Variants in COL25A1 observed in about 807,000 individuals in gnomAD.
COL25A1 encodes the protein collagen type XXV alpha 1 chain, also known as collagen alpha-1(XXV) chain.
In COL25A1, 103 loss-of-function variants were observed where a neutral mutation model predicts 128.4. That is an observed-to-expected ratio of 0.80 (90% CI 0.68 to 0.94). The LOEUF (loss-of-function observed/expected upper bound fraction) is 0.94. COL25A1 is among the 40% of genes least tolerant of loss of function. The pLI is 0.00. For missense variants in COL25A1, 745 were observed against 840.0 expected, an observed-to-expected ratio of 0.89 and a Z score of 1.40; for synonymous variants, 279 against 277.2, an observed-to-expected ratio of 1.01 and a Z score of -0.06.
intron 26 of COL25A1, among the ~76,000 whole-genome samples, chr4:108,851,972 G>T (rs894289039): frequency 2.6e-5 from 4 of 151,780 alleles, no homozygotes; most frequent in African/African-American, 9.7e-5. Flanking sequence ...TGTGGAACTT[G>T]TTTTTCCCTT....
chr4:109,050,044 A>C, intron 4 of COL25A1, 91 bp downstream of exon 4: 3 of 1,073,312 alleles, frequency 2.8e-6, no homozygotes, highest in Non-Finnish European at 4.2e-6. Context: ...TATAACCTCC[A>C]ACAAGACAAT....
intron 13 of COL25A1, among the ~76,000 whole-genome samples, chr4:108,913,229 A>C (rs1193630132): frequency 1.4e-5 from 2 of 142,450 alleles, no homozygotes; most frequent in Non-Finnish European, 3.0e-5. Flanking sequence ...GGAGCAAAAA[A>C]TGGGACTTTG....
At chr4:109,113,956 A>C (rs1302270550) in intron 3 of COL25A1, among the ~76,000 whole-genome samples, 3 of 152,106 alleles carry the variant, frequency 2.0e-5, no homozygotes, top group Non-Finnish European at 2.9e-5. Context: ...GAATCACCAT[A>C]AGCGCTAAAT....
chr4:109,031,181 G>A (rs1031672029), intron 5 of COL25A1, among the ~76,000 whole-genome samples: 33 of 152,212 alleles, frequency 2.2e-4, no homozygotes, highest in African/African-American at 6.3e-4. Context: ...GCGCGATCTC[G>A]GCTCACTGCA....
At chr4:108,981,593 A>C (rs1752979339) in intron 6 of COL25A1, among the ~76,000 whole-genome samples, 1 of 152,242 alleles carries the variant, frequency 6.6e-6, no homozygotes, top group Non-Finnish European at 1.5e-5. Context: ...AATGCAGTAC[A>C]TGAAATAACA....
chr4:108,852,104 G>A (rs545334871), intron 26 of COL25A1, 132 bp downstream of exon 26: 24 of 604,452 alleles, frequency 4.0e-5, no homozygotes, highest in East Asian at 3.9e-4. Context: ...TCTTTTCTTC[G>A]CTCTCTAAAA....
At chr4:109,209,461 T>C (rs1014389880) in intron 3 of COL25A1, among the ~76,000 whole-genome samples, 1 of 152,104 alleles carries the variant, frequency 6.6e-6, no homozygotes, top group Admixed American at 6.6e-5. Context: ...AACATTAAAA[T>C]GTAAAATTAA....
intron 3 of COL25A1, among the ~76,000 whole-genome samples, chr4:109,203,919 G>A (rs1776772089): frequency 6.6e-6 from 1 of 152,096 alleles, no homozygotes. Flanking sequence ...TATGATTACA[G>A]CTAGATTGAA....
At chr4:108,882,423 T>C (rs993467279) in intron 19 of COL25A1, among the ~76,000 whole-genome samples, 12 of 152,198 alleles carry the variant, frequency 7.9e-5, no homozygotes, top group African/African-American at 2.7e-4. Context: ...AAGCACTTAC[T>C]GCAGCAACCT....
chr4:109,289,730 G>T (rs929696139), intron 3 of COL25A1, among the ~76,000 whole-genome samples: 1 of 151,950 alleles, frequency 6.6e-6, no homozygotes, highest in African/African-American at 2.4e-5. Flanking sequence ...GAGTAGAATG[G>T]GGTTCTTATT....
Position 109,179,041 on chromosome 4 carries a change from G to GA in COL25A1, c.367+121541dup, listed in dbSNP as rs113954556. Among the ~76,000 whole-genome samples the GA allele has an allele frequency of 1.3e-3, 191 of 141,574 alleles. 1 individual carries two copies. Among genetic ancestry groups the GA allele is most frequent in the South Asian group, 2.0e-3 (9 of 4,430 alleles). 92.9% of individuals were successfully genotyped at this position (141,574 alleles called of 152,430 possible). A position where few individuals can be genotyped will look rare whatever the true frequency, so the allele number is the denominator to read the frequency against. On this transcript the variant is annotated intron_variant, in intron 3 of 37. Coordinates refer to ENST00000399132, the MANE Select transcript of COL25A1 (RefSeq NM_198721.4). ...AATGTTAGACTAGCATTTTTAAAATGAAAAAAAAAAAAGTTGTCCTAAAAT... is the reference window on the plus strand; with the variant it reads ...AATGTTAGACTAGCATTTTTAAAATGAAAAAAAAAAAAAGTTGTCCTAAAAT...
chr4:109,019,369 C>CATATATATATATAT (rs1320479600), intron 5 of COL25A1, among the ~76,000 whole-genome samples: 1 of 9,238 alleles, frequency 1.1e-4, no homozygotes, highest in Non-Finnish European at 1.8e-4. Flanking sequence ...CACACACACA[C>CATATATATATATAT]ACACACATAT....
chr4:109,218,435 A>G (rs1778206548), intron 3 of COL25A1, among the ~76,000 whole-genome samples: 2 of 139,734 alleles, frequency 1.4e-5, no homozygotes, highest in African/African-American at 2.7e-5. Context: ...AAGCCCCATG[A>G]AAGTTTTAAA....
intron 6 of COL25A1, among the ~76,000 whole-genome samples, chr4:109,004,040 A>C (rs1344530759): frequency 2.0e-5 from 3 of 151,958 alleles, no homozygotes; most frequent in Non-Finnish European, 4.4e-5. Context: ...TCTTAACCAC[A>C]GCTGTGAGAA....
At chr4:108,860,709 A>G (rs994041792) in intron 23 of COL25A1, among the ~76,000 whole-genome samples, 2 of 152,198 alleles carry the variant, frequency 1.3e-5, no homozygotes, top group African/African-American at 4.8e-5. Flanking sequence ...AGGCCTTCTC[A>G]AAGAAGCTTA....
At position 109,302,158 on chromosome 4, in the gene COL25A1, C is replaced by A; in HGVS notation, c.-57+11G>T. 1.8e-6 allele frequency: 2 copies of A among 1,129,608 alleles called. No individual in the cohort carries two copies. Among genetic ancestry groups the A allele is most frequent in the African/African-American group, 3.1e-5 (2 of 64,020 alleles). 70.0% of individuals were successfully genotyped at this position (1,129,608 alleles called of 1,614,324 possible). On this transcript the variant is annotated intron_variant, in intron 1 of 37. Coordinates refer to ENST00000399132, the MANE Select transcript of COL25A1 (RefSeq NM_198721.4). ...TAGTTGGTGGAGTCAAGCCCACGAG[C>A]GGATACGGACCCCTGCCTTGCTCAG... is the stretch of plus-strand genomic sequence containing the variant.
At chr4:108,988,761 C>T (rs1416664829) in intron 6 of COL25A1, among the ~76,000 whole-genome samples, 1 of 152,212 alleles carries the variant, frequency 6.6e-6, no homozygotes, top group Non-Finnish European at 1.5e-5. Context: ...TTTCTACTTG[C>T]AAACCCAGTA....
chr4:109,134,197 T>A (rs1050151854), intron 3 of COL25A1, among the ~76,000 whole-genome samples: 3 of 151,118 alleles, frequency 2.0e-5, no homozygotes, highest in Non-Finnish European at 4.4e-5. Context: ...ATAGGAGGTT[T>A]TTTTTTTTTT....
intron 26 of COL25A1, among the ~76,000 whole-genome samples, chr4:108,850,089 G>C (rs897219420): frequency 1.3e-5 from 2 of 152,160 alleles, no homozygotes; most frequent in Non-Finnish European, 2.9e-5. Context: ...TGTCAGCACT[G>C]TGGGTCCAAT....
Sources: gnomAD v4.1 joint callset for allele counts (sites outside exome capture counted in the v4.1 genomes callset) on GRCh38, gnomAD v4.1.1 for gene constraint, MANE v1.5 for transcripts, NCBI Gene and HGNC (gene_info 2026-07-23, HGNC 2026-07-21) for gene names.